Variants in AMD1 observed in about 807,000 individuals in gnomAD.
AMD1 encodes S-adenosylmethionine decarboxylase proenzyme.
A neutral mutation model predicts 40.2 loss-of-function variants in AMD1; 11 were observed. That is an observed-to-expected ratio of 0.27 (90% CI 0.17 to 0.45). The LOEUF is 0.45. Among genes scored for constraint, AMD1 ranks in the 20% least tolerant of loss-of-function variants. The probability of loss-of-function intolerance (pLI) is 1.00; values close to 1 mark genes in which losing one functional copy is unlikely to be tolerated. For missense variants in AMD1, 257 were observed against 410.2 expected (o/e 0.63, Z 3.23); for synonymous variants, 121 against 130.8 (o/e 0.93, Z 0.51).
intron 1 of AMD1, among the ~76,000 whole-genome samples, chr6:110,878,939 C>G (rs1191786795): frequency 1.3e-5 from 2 of 152,106 alleles, no homozygotes; most frequent in Non-Finnish European, 2.9e-5. Context: ...AGCATTATTG[C>G]AATATCAATA....
At chr6:110,878,494 C>T (rs775596686) in intron 1 of AMD1, among the ~76,000 whole-genome samples, 1 of 152,066 alleles carries the variant, frequency 6.6e-6, no homozygotes, top group Non-Finnish European at 1.5e-5. Flanking sequence ...TTGGGTTAAA[C>T]AATACTGTTG....
upstream of AMD1, among the ~76,000 whole-genome samples, chr6:110,874,387 C>G (rs902236720): frequency 2.0e-5 from 3 of 152,202 alleles, no homozygotes; most frequent in Non-Finnish European, 4.4e-5. Context: ...CCACGCCAAC[C>G]CAGCGCTGGC....
the AMD1 span, among the ~76,000 whole-genome samples, chr6:110,845,841 A>G: frequency 6.6e-6 from 1 of 152,322 alleles, no homozygotes; most frequent in South Asian, 2.1e-4. Flanking sequence ...CTATTCATAT[A>G]TACATTTATC....
chr6:110,863,647 G>A, the AMD1 span, among the ~76,000 whole-genome samples: 11 of 152,026 alleles, frequency 7.2e-5, no homozygotes. Flanking sequence ...TGGGATTACA[G>A]GCATGAGCCA....
chr6:110,883,455 G>C (rs957071171), intron 1 of AMD1, among the ~76,000 whole-genome samples: 1 of 152,196 alleles, frequency 6.6e-6, no homozygotes, highest in Non-Finnish European at 1.5e-5. Context: ...AGAATGAGAG[G>C]CCCCTTTGAA....
chr6:110,850,361 C>T, the AMD1 span, among the ~76,000 whole-genome samples: 3 of 152,062 alleles, frequency 2.0e-5, no homozygotes, highest in Non-Finnish European at 4.4e-5. Context: ...GAATCTTATA[C>T]CCCCAAATTC....
At chr6:110,879,251 T>C (rs1010731563) in intron 1 of AMD1, among the ~76,000 whole-genome samples, 2 of 152,144 alleles carry the variant, frequency 1.3e-5, no homozygotes, top group Non-Finnish European at 2.9e-5. Context: ...CTCGGGAAGC[T>C]GAGGTGGGAG....
chr6:110,853,664 C>T, the AMD1 span, among the ~76,000 whole-genome samples: 1 of 152,046 alleles, frequency 6.6e-6, no homozygotes, highest in Non-Finnish European at 1.5e-5. Context: ...TGGTCTTGAA[C>T]TCCTCATCTC....
chr6:110,870,554 G>A (rs573001690), upstream of AMD1, among the ~76,000 whole-genome samples: 6 of 152,244 alleles, frequency 3.9e-5, no homozygotes, highest in Middle Eastern at 0.014. Flanking sequence ...GCCCGGGGAA[G>A]TTGAGGCAAC....
chr6:110,867,358 GATTA>G, the AMD1 span, among the ~76,000 whole-genome samples: 1 of 151,774 alleles, frequency 6.6e-6, no homozygotes, highest in Admixed American at 6.6e-5. Context: ...GTATAGTTGA[GATTA>G]TAACATAAAA....
In AMD1 at chr6:110,879,406, CA is replaced by C. The variant is rs1178436629; in HGVS notation, c.110+4192del. Among the ~76,000 whole-genome samples the C allele has an allele frequency of 3.3e-5, 5 of 152,126 alleles. 1 individual carries two copies. The highest frequency in any genetic ancestry group is 1.2e-4 in the African/African-American group (5 of 41,432). ...ACAAACCATGTATCTTTAAGAAGCA[CA>C]TGTTGAAAGTAGCAGAAAACTGAGA... On this transcript the variant is annotated intron_variant, in intron 1 of 8. Coordinates refer to ENST00000368885, the MANE Select transcript of AMD1 (RefSeq NM_001634.6).
At chr6:110,848,519 A>C in the AMD1 span, 1 of 284,240 alleles carries the variant, frequency 3.5e-6, no homozygotes, top group Admixed American at 4.5e-5. Flanking sequence ...ACTCCGTGTT[A>C]GCAAAAAACA....
At chr6:110,834,051 C>G in the AMD1 span, among the ~76,000 whole-genome samples, 3 of 152,238 alleles carry the variant, frequency 2.0e-5, 1 homozygote, top group South Asian at 6.2e-4. Flanking sequence ...TCAAGTAATC[C>G]TCCTGTGTAG....
chr6:110,828,001 C>T, the AMD1 span, among the ~76,000 whole-genome samples: 56 of 152,282 alleles, frequency 3.7e-4, no homozygotes, highest in African/African-American at 1.2e-3. Flanking sequence ...ATAATACACA[C>T]AGTAACACAA....
the AMD1 span, among the ~76,000 whole-genome samples, chr6:110,821,189 C>T: frequency 6.6e-5 from 10 of 152,278 alleles, no homozygotes; most frequent in African/African-American, 1.9e-4. Context: ...GAAATGGTGG[C>T]GGCATGGAGG....
upstream of AMD1, among the ~76,000 whole-genome samples, chr6:110,870,542 G>T (rs1174993806): frequency 6.6e-6 from 1 of 152,162 alleles, no homozygotes; most frequent in African/African-American, 2.4e-5. Context: ...AGGATCACTT[G>T]AGCCCGGGGA....
the AMD1 span, among the ~76,000 whole-genome samples, chr6:110,849,431 C>T: frequency 1.3e-5 from 2 of 152,116 alleles, no homozygotes; most frequent in African/African-American, 2.4e-5. Context: ...TATGGGCTGA[C>T]AGGACAACTG....
the AMD1 span, among the ~76,000 whole-genome samples, chr6:110,846,162 C>T: frequency 6.6e-6 from 1 of 151,992 alleles, no homozygotes; most frequent in African/African-American, 2.4e-5. Flanking sequence ...TCACTTGAAC[C>T]TAGGAGGCAG....
At chr6:110,868,758 A>C in the AMD1 span, among the ~76,000 whole-genome samples, 1 of 152,090 alleles carries the variant, frequency 6.6e-6, no homozygotes, top group Non-Finnish European at 1.5e-5. Context: ...GTTAAACTTA[A>C]ATTAATGTAA....
Sources: gnomAD v4.1 joint callset for allele counts (sites outside exome capture counted in the v4.1 genomes callset) on GRCh38, gnomAD v4.1.1 for gene constraint, MANE v1.5 for transcripts, NCBI Gene and HGNC (gene_info 2026-07-23, HGNC 2026-07-21) for gene names.